The following GRIK2 variants were observed in gnomAD, a reference collection of about 807,000 sequenced individuals.
GRIK2 encodes the protein glutamate ionotropic receptor kainate type subunit 2, also known as glutamate receptor ionotropic, kainate 2.
Under a neutral mutation model 100.3 loss-of-function variants are expected in GRIK2, and 32 were observed. The observed-to-expected ratio is 0.32, with a 90% confidence interval of 0.24 to 0.43. The LOEUF is 0.43. Among genes scored for constraint, GRIK2 ranks in the 20% least tolerant of loss-of-function variants. The pLI is 1.00. For synonymous variants in GRIK2, 417 were observed against 389.4 expected (o/e 1.07, Z -0.83); for missense variants, 843 against 1,114.9 (o/e 0.76, Z 3.47).
chr6:101,676,793 A>G lies in GRIK2; in HGVS notation c.712A>G (p.Ile238Val), dbSNP rs772842962. 11 of 1,593,624 alleles carry G rather than the reference A, an allele frequency of 6.9e-6. No homozygotes were observed. The highest frequency in any genetic ancestry group is 5.4e-5 in the African/African-American group (4 of 74,064). The change falls in exon 5 of 17, where the codon ATT becomes GTT. Residue 238 changes from isoleucine (I) to valine (V), a missense_variant. Ile to Val is a conservative substitution (Grantham distance 29). Transcript: ENST00000369134. ...TTGTAGCCATGAAATGGCAGCAGGC[A>G]TTTTAAAACAGGTAACCTTTAAATT... ...FDCSHEMAAG[I>V]LKQALAMGMM...
At chr6:101,964,053 T>A (rs1404780560) in intron 14 of GRIK2, among the ~76,000 whole-genome samples, 1 of 120,686 alleles carries the variant, frequency 8.3e-6, no homozygotes, top group Non-Finnish European at 1.7e-5. Flanking sequence ...TACTGAGATT[T>A]GTGTTTCTTG....
At chr6:101,571,315 G>A (rs1777517973) in intron 2 of GRIK2, among the ~76,000 whole-genome samples, 1 of 151,748 alleles carries the variant, frequency 6.6e-6, no homozygotes. Flanking sequence ...AGAATATAAA[G>A]TACTATAATA....
chr6:101,881,610 C>G (rs562448657), intron 11 of GRIK2, among the ~76,000 whole-genome samples: 1 of 150,868 alleles, frequency 6.6e-6, no homozygotes, highest in South Asian at 2.1e-4. Flanking sequence ...TTCTAGGGAA[C>G]AAAAGTAACT....
intron 7 of GRIK2, among the ~76,000 whole-genome samples, chr6:101,789,171 A>G (rs552116403): frequency 0.025 from 3,863 of 152,084 alleles, 169 homozygotes; most frequent in African/African-American, 0.088. Flanking sequence ...GTTCACTCTG[A>G]TAGTAGTTTC....
At chr6:101,833,830 A>C (rs920509211) in intron 10 of GRIK2, among the ~76,000 whole-genome samples, 1 of 151,866 alleles carries the variant, frequency 6.6e-6, no homozygotes. Context: ...TGACTGCTCA[A>C]TAATTACAAT....
Position 101,450,202 on chromosome 6 carries a change from C to T in GRIK2, c.115+50810C>T, listed in dbSNP as rs529041363. On this transcript the variant is annotated intron_variant, in intron 2 of 16. Transcript: ENST00000369134. ...ATCATTCACAAATCACATATCACAT[C>T]CAGATGGCTTGAAATTTTGTAGCTC... Among the ~76,000 whole-genome samples, 13 of 151,668 alleles carry T rather than the reference C, an allele frequency of 8.6e-5. No individual in the cohort carries two copies. The South Asian group carries it at 2.7e-3, about 32-fold the overall frequency.
intron 12 of GRIK2, among the ~76,000 whole-genome samples, chr6:101,895,723 A>G (rs2128459584): frequency 6.6e-6 from 1 of 151,636 alleles, no homozygotes; most frequent in African/African-American, 2.4e-5. Flanking sequence ...AAAAAAAACG[A>G]TTTCAATTTT....
intron 11 of GRIK2, among the ~76,000 whole-genome samples, chr6:101,886,057 A>G (rs574383309): frequency 1.3e-5 from 2 of 152,244 alleles, no homozygotes; most frequent in East Asian, 3.9e-4. Flanking sequence ...TCTGTGCTCC[A>G]CATATTCAGC....
At chr6:101,434,308 GC>G (rs1387974730) in intron 2 of GRIK2, among the ~76,000 whole-genome samples, 2 of 152,106 alleles carry the variant, frequency 1.3e-5, no homozygotes, top group East Asian at 3.9e-4. Context: ...GAGTGACGTG[GC>G]CTGAGAGATG....
chr6:101,915,770 GT>G (rs1789062118), intron 12 of GRIK2, among the ~76,000 whole-genome samples: 1 of 151,394 alleles, frequency 6.6e-6, no homozygotes, highest in African/African-American at 2.4e-5. Context: ...CACATACAAT[GT>G]TTTAAGCTTA....
chr6:101,492,229 A>G (rs1371285032), intron 2 of GRIK2, among the ~76,000 whole-genome samples: 1 of 151,960 alleles, frequency 6.6e-6, no homozygotes, highest in African/African-American at 2.4e-5. Flanking sequence ...TAACTGAATC[A>G]ATTATTTTAT....
At chr6:101,844,802 G>GT (rs1356372030) in intron 10 of GRIK2, among the ~76,000 whole-genome samples, 2 of 152,028 alleles carry the variant, frequency 1.3e-5, no homozygotes, top group Admixed American at 6.6e-5. Flanking sequence ...CTAGATACAT[G>GT]TTTTTTGTAT....
chr6:102,048,322 C>A (rs1275612830), intron 15 of GRIK2, among the ~76,000 whole-genome samples: 1 of 151,474 alleles, frequency 6.6e-6, no homozygotes, highest in Non-Finnish European at 1.5e-5. Flanking sequence ...AGATTTGAAC[C>A]CAAAAGTGCA....
chr6:101,859,304 T>G lies in GRIK2; in HGVS notation c.1335T>G (p.Leu445=), dbSNP rs1163699088. 6.3e-7 allele frequency: 1 copy of G among 1,589,506 alleles called. No homozygotes were observed. The highest frequency in any genetic ancestry group is 2.2e-5 in the East Asian group (1 of 44,712). The change falls in exon 11 of 17, where the codon CTT becomes CTG. Residue 445 remains leucine (L), a synonymous_variant. Coordinates refer to ENST00000369134, the MANE Select transcript of GRIK2 (RefSeq NM_021956.5). ...GTTTTCAGGAAGAGCCTTATGTCCT[T>G]TTTAAGAAGTCTGACAAACCTCTCT... is the stretch of plus-strand genomic sequence containing the variant. ...VTTILEEPYV[L]FKKSDKPLYG...
intron 7 of GRIK2, among the ~76,000 whole-genome samples, chr6:101,715,302 C>G (rs769012710): frequency 6.6e-6 from 1 of 151,688 alleles, no homozygotes; most frequent in Non-Finnish European, 1.5e-5. Flanking sequence ...ATTCAGGATG[C>G]TAAGTGCTTA....
intron 2 of GRIK2, among the ~76,000 whole-genome samples, chr6:101,540,668 G>T (rs1237569868): frequency 6.6e-6 from 1 of 152,000 alleles, no homozygotes; most frequent in Non-Finnish European, 1.5e-5. Flanking sequence ...TTGCTCACTA[G>T]TGGGTATATT....
rs142164490 is a variant in GRIK2 at position 101,635,807 on chromosome 6, T to A, written c.541+9170T>A. On this transcript the variant is annotated intron_variant, in intron 4 of 16. Transcript: ENST00000369134. ...AAATCAAAACCACAATGAGATACCA[T>A]CTCACACCAATTAGAATAGCAATCA... Among the ~76,000 whole-genome samples the A allele has an allele frequency of 9.6e-3, 1,464 of 152,224 alleles. 9 individuals carry two copies. The highest frequency in any genetic ancestry group is 0.031 in the Middle Eastern group (9 of 294).
intron 4 of GRIK2, among the ~76,000 whole-genome samples, chr6:101,671,692 C>T (rs1302419749): frequency 2.6e-5 from 4 of 152,064 alleles, no homozygotes; most frequent in African/African-American, 7.2e-5. Context: ...GGTGAAACCC[C>T]ATCTCTACTA....
intron 14 of GRIK2, among the ~76,000 whole-genome samples, chr6:102,016,920 T>C (rs1370834603): frequency 1.3e-5 from 2 of 152,100 alleles, no homozygotes; most frequent in Non-Finnish European, 2.9e-5. Context: ...AGATTAGCAG[T>C]GGACACCTCA....
Sources: gnomAD v4.1 joint callset for allele counts (sites outside exome capture counted in the v4.1 genomes callset) on GRCh38, gnomAD v4.1.1 for gene constraint, MANE v1.5 for transcripts, NCBI Gene and HGNC (gene_info 2026-07-23, HGNC 2026-07-21) for gene names.